The following LMO7 variants were observed in gnomAD, a reference collection of about 807,000 sequenced individuals.
LMO7 encodes LIM domain 7.
A neutral mutation model predicts 206.5 loss-of-function variants in LMO7; 120 were observed. The observed-to-expected ratio is 0.58, with a 90% CI of 0.50 to 0.68. LMO7 has a LOEUF of 0.68. Among genes scored for constraint, LMO7 ranks in the 30% least tolerant of loss-of-function variants. The pLI is 0.00. For missense variants in LMO7, 1,959 were observed against 1,957.9 expected (o/e 1.00, Z -0.01); for synonymous variants, 706 against 681.5 (o/e 1.04, Z -0.56).
intron 1 of LMO7, among the ~76,000 whole-genome samples, chr13:75,643,898 G>A (rs1374026879): frequency 6.6e-6 from 1 of 152,098 alleles, no homozygotes; most frequent in Admixed American, 6.6e-5. Context: ...TGCTCAGTTT[G>A]GTGCTTGAGT....
chr13:75,739,858 T>C (rs1308510877), intron 3 of LMO7, among the ~76,000 whole-genome samples: 1 of 152,172 alleles, frequency 6.6e-6, no homozygotes, highest in African/African-American at 2.4e-5. Flanking sequence ...TTATTCTCTC[T>C]TCAGGAGGAG....
At chr13:75,749,861 C>T (rs1470031353) in intron 3 of LMO7, among the ~76,000 whole-genome samples, 1 of 151,704 alleles carries the variant, frequency 6.6e-6, no homozygotes, top group Non-Finnish European at 1.5e-5. Context: ...AATTGGTTCC[C>T]CAAGGAAAAA....
At chr13:75,631,091 A>G (rs1461651631) in intron 2 of LMO7, among the ~76,000 whole-genome samples, 1 of 152,102 alleles carries the variant, frequency 6.6e-6, no homozygotes, top group African/African-American at 2.4e-5. Flanking sequence ...CAGTCGTGCA[A>G]TCTTGGCTCA....
intron 20 of LMO7, 183 bp from the exon 21 acceptor site, chr13:75,839,902 T>A (rs2059434574): frequency 1.8e-6 from 1 of 542,422 alleles, no homozygotes; most frequent in Non-Finnish European, 3.3e-6. Context: ...GAAAGATGAG[T>A]AACAGATGGA....
intron 4 of LMO7, among the ~76,000 whole-genome samples, chr13:75,788,245 G>T (rs1444463020): frequency 6.6e-6 from 1 of 151,962 alleles, no homozygotes; most frequent in East Asian, 1.9e-4. Context: ...TAAAAATGAG[G>T]TCAGGAGTTT....
chr13:75,813,402 C>T (rs1321493810), intron 11 of LMO7, among the ~76,000 whole-genome samples: 1 of 152,190 alleles, frequency 6.6e-6, no homozygotes, highest in Non-Finnish European at 1.5e-5. Flanking sequence ...CAATCCCTTC[C>T]TCACTTAGCA....
intron 26 of LMO7, 142 bp downstream of exon 26, chr13:75,845,521 TA>T (rs1191774707): frequency 2.2e-5 from 12 of 542,452 alleles, no homozygotes; most frequent in Admixed American, 3.8e-5. Context: ...CCTCTGTATA[TA>T]AAAACAGCAA....
In LMO7 at chr13:75,855,152, G is replaced by C. The variant is rs2060823629; in HGVS notation, c.4662-108G>C. The stretch of plus-strand genomic sequence containing the variant: ...TTATTCTCCCACAGATATATGTATA[G>C]AGCTTTTCTTAAATTATTATCAGTG... On this transcript the variant is annotated intron_variant, in intron 28 of 30. Transcript: ENST00000377534. The C allele has an allele frequency of 6.0e-6, 4 of 667,066 alleles. No individual in the cohort carries two copies. The African/African-American group carries it at 7.2e-5, about 12-fold the overall frequency. The allele number at this position is 667,066 out of a possible 1,614,324, so 41.3% of individuals were successfully genotyped here.
chr13:75,820,999 A>C (rs2057524222), intron 13 of LMO7, among the ~76,000 whole-genome samples, 178 bp from the exon 14 acceptor site: 1 of 28,872 alleles, frequency 3.5e-5, no homozygotes, highest in Non-Finnish European at 1.2e-4. Flanking sequence ...TTCGGTCTCA[A>C]AAAAAAAAAA....
chr13:75,774,819 A>G (rs1431646231), intron 4 of LMO7, among the ~76,000 whole-genome samples: 1 of 152,032 alleles, frequency 6.6e-6, no homozygotes, highest in Non-Finnish European at 1.5e-5. Context: ...CTTGTTTCAC[A>G]GTTTGTCTTT....
Position 75,678,863 on chromosome 13 carries a change from T to G in LMO7, c.70-34319T>G, listed in dbSNP as rs549720553. On this transcript the variant is annotated intron_variant, in intron 1 of 30. Transcript: ENST00000377534. ...CTCTGAATTTAATTTCTTTCTTGTC[T>G]TTCCAGCTAGGTGAAACTGTTCATG... 3.9e-5 allele frequency among the ~76,000 whole-genome samples: 6 copies of G among 152,364 alleles called. No homozygotes were observed. The East Asian group carries it at 1.2e-3, about 29-fold the overall frequency.
chr13:75,733,077 A>G (rs2045425096), intron 3 of LMO7, among the ~76,000 whole-genome samples: 1 of 152,214 alleles, frequency 6.6e-6, no homozygotes. Context: ...GTCAGGGGTC[A>G]GGGACCCACT....
chr13:75,657,361 C>G (rs2038155045), intron 1 of LMO7, among the ~76,000 whole-genome samples: 1 of 152,174 alleles, frequency 6.6e-6, no homozygotes, highest in South Asian at 2.1e-4. Flanking sequence ...TCACTGATAT[C>G]CTTTTTGGGA....
chr13:75,837,801 T>C (rs893914120), intron 19 of LMO7, among the ~76,000 whole-genome samples: 1 of 152,212 alleles, frequency 6.6e-6, no homozygotes, highest in African/African-American at 2.4e-5. Context: ...TATGGATTGT[T>C]TAACCTAAGC....
chr13:75,817,896 A>C (rs1473489077), intron 12 of LMO7, among the ~76,000 whole-genome samples: 1 of 152,118 alleles, frequency 6.6e-6, no homozygotes, highest in Non-Finnish European at 1.5e-5. Context: ...CATTTTTTTT[A>C]ATAGAGTAAT....
intron 4 of LMO7, among the ~76,000 whole-genome samples, chr13:75,783,701 G>A (rs971253097): frequency 2.0e-5 from 3 of 152,172 alleles, no homozygotes; most frequent in Admixed American, 6.5e-5. Flanking sequence ...TGGCAAGAAT[G>A]TTGAGCTCTT....
At chr13:75,654,645 G>C (rs9593109) in intron 1 of LMO7, among the ~76,000 whole-genome samples, 1 of 151,804 alleles carries the variant, frequency 6.6e-6, no homozygotes, top group Non-Finnish European at 1.5e-5. Context: ...CCTGTGGCCT[G>C]TCATTAGGTC....
Position 75,821,297 on chromosome 13 carries a change from T to A in LMO7, c.2328T>A (p.Ser776Arg), listed in dbSNP as rs1566543148. Reference protein sequence around the residue: ...TMTVSEASYQSERVEEKGATY... With the variant: ...TMTVSEASYQRERVEEKGATY... ...CTGTGTCAGAAGCAAGTTACCAGAG[T>A]GAGAGAGTAGAAGAGAAGGGAGCAA... The change falls in exon 14 of 31, where the codon AGT becomes AGA. Residue 776 changes from serine (S) to arginine (R), a missense_variant. Coordinates refer to ENST00000377534, the MANE Select transcript of LMO7 (RefSeq NM_001306080.2). 1 of 1,613,792 alleles carries A rather than the reference T, an allele frequency of 6.2e-7. No homozygotes were observed.
intron 1 of LMO7, among the ~76,000 whole-genome samples, chr13:75,669,542 G>A (rs893654744): frequency 2.0e-5 from 3 of 152,130 alleles, no homozygotes; most frequent in African/African-American, 7.2e-5. Context: ...TGGGTGATAA[G>A]GCAAGGAGAG....
Sources: allele counts gnomAD v4.1 joint callset (sites outside exome capture counted in the v4.1 genomes callset), GRCh38; gene constraint gnomAD v4.1.1; transcripts MANE v1.5; gene names NCBI Gene and HGNC (gene_info 2026-07-23, HGNC 2026-07-21).